The following ATXN3 variants were observed in gnomAD, a reference collection of about 807,000 sequenced individuals.
ATXN3 encodes ataxin-3.
A neutral mutation model predicts 58.2 loss-of-function variants in ATXN3; 28 were observed. The ratio of observed to expected loss-of-function variants is 0.48; its 90% CI spans 0.36 to 0.66. The LOEUF is 0.66. ATXN3 is among the 30% of genes least tolerant of loss of function. The probability of loss-of-function intolerance (pLI) is 0.00; values close to 1 mark genes in which losing one functional copy is unlikely to be tolerated. For synonymous variants in ATXN3, 113 were observed against 138.5 expected, an observed-to-expected ratio of 0.82 and a Z score of 1.29; for missense variants, 321 against 422.1, an observed-to-expected ratio of 0.76 and a Z score of 2.10.
chr14:92,064,462 C>A, intron 10 of ATXN3, 48 bp from the exon 11 acceptor site: 2 of 1,393,574 alleles, frequency 1.4e-6, no homozygotes, highest in South Asian at 1.3e-5. Context: ...AGAAAATTCT[C>A]AAAGTCATCA....
chr14:92,103,311 T>C (rs932035949), intron 1 of ATXN3, among the ~76,000 whole-genome samples: 3 of 151,148 alleles, frequency 2.0e-5, no homozygotes, highest in African/African-American at 7.3e-5. Flanking sequence ...CAAATAAGAA[T>C]GTGTGACAGA....
At chr14:92,045,539 C>A (rs1281411552) in intron 2 of ATXN3, among the ~76,000 whole-genome samples, 4 of 151,686 alleles carry the variant, frequency 2.6e-5, no homozygotes, top group Non-Finnish European at 4.4e-5. Context: ...TGGGTGGGGG[C>A]AAATCCCTGA....
At chr14:92,054,904 T>C (rs1273007336), downstream of ATXN3, among the ~76,000 whole-genome samples, 1 of 152,086 alleles carries the variant, frequency 6.6e-6, no homozygotes, top group Non-Finnish European at 1.5e-5. Flanking sequence ...TTGTTTGAGA[T>C]GGAGTCTTGT....
At chr14:92,078,721 TATG>T (rs2060888633) in intron 9 of ATXN3, among the ~76,000 whole-genome samples, 1 of 152,192 alleles carries the variant, frequency 6.6e-6, no homozygotes, top group Admixed American at 6.5e-5. Context: ...AATTAATTAT[TATG>T]ATTATTATTT....
chr14:92,059,041 T>C lies in ATXN3; in HGVS notation c.*5279A>G, dbSNP rs939459070. 2.0e-5 allele frequency: 3 copies of C among 152,144 alleles called. No individual in the cohort carries two copies. Among genetic ancestry groups the C allele is most frequent in the African/African-American group, 7.2e-5 (3 of 41,444 alleles). 9.4% of individuals were successfully genotyped at this position (152,144 alleles called of 1,614,324 possible). On this transcript the variant is annotated 3_prime_UTR_variant, in exon 11 of 11. Transcript: ENST00000644486. ...CCTAAATGCATCAGGAATATCCATT[T>C]ATATTTTACTAATGTTTCTCATTGC...
intron 9 of ATXN3, among the ~76,000 whole-genome samples, chr14:92,074,332 T>C (rs2059981729): frequency 1.3e-5 from 2 of 151,758 alleles, no homozygotes; most frequent in Non-Finnish European, 2.9e-5. Context: ...TCTCAAAAAA[T>C]AAAATAAAAT....
At chr14:92,092,678 T>C (rs1030350912) in intron 5 of ATXN3, among the ~76,000 whole-genome samples, 2 of 152,098 alleles carry the variant, frequency 1.3e-5, no homozygotes, top group Non-Finnish European at 2.9e-5. Context: ...ATTTTTCTTA[T>C]GATATAGTTA....
chr14:92,061,844 CCCA>C lies in ATXN3; in HGVS notation c.*2473_*2475del, dbSNP rs1383425482. The C allele has an allele frequency of 7.2e-5, 11 of 152,142 alleles. No homozygotes were observed. Among genetic ancestry groups the C allele is most frequent in the African/African-American group, 2.4e-4 (10 of 41,438 alleles). The allele number at this position is 152,142 out of a possible 1,614,324, so 9.4% of individuals were successfully genotyped here. A position where few individuals can be genotyped will look rare whatever the true frequency, so the allele number is the denominator to read the frequency against. ...AACAGTCAATTAAATTTAAGCCAAC[CCCA>C]CCAAGATGACAGTTCACTAGTGCTT... On this transcript the variant is annotated 3_prime_UTR_variant, in exon 11 of 11. Coordinates refer to ENST00000644486, the MANE Select transcript of ATXN3 (RefSeq NM_004993.6).
At chr14:92,048,461 G>A (rs1321116790) in intron 1 of ATXN3, among the ~76,000 whole-genome samples, 6 of 152,196 alleles carry the variant, frequency 3.9e-5, no homozygotes, top group African/African-American at 1.4e-4. Flanking sequence ...AGAATAAGAC[G>A]GCCTTCTGGC....
chr14:92,088,610 A>C (rs756765003), intron 6 of ATXN3, 120 bp downstream of exon 6: 42 of 755,518 alleles, frequency 5.6e-5, no homozygotes, highest in Non-Finnish European at 9.5e-5. Flanking sequence ...ACCACGTCAA[A>C]ACTAAAGATT....
chr14:92,090,492 A>G (rs975803941), intron 5 of ATXN3: 2 of 152,200 alleles, frequency 1.3e-5, no homozygotes, highest in Admixed American at 1.3e-4. Flanking sequence ...AACGATCAAT[A>G]TCATGACCAA....
At chr14:92,103,285 T>C (rs2067294004) in intron 1 of ATXN3, among the ~76,000 whole-genome samples, 1 of 148,600 alleles carries the variant, frequency 6.7e-6, no homozygotes, top group Admixed American at 7.1e-5. Context: ...TTTTACATGG[T>C]TGGGAAAAAC....
chr14:92,084,782 G>A (rs1205361600), intron 6 of ATXN3, among the ~76,000 whole-genome samples: 1 of 152,028 alleles, frequency 6.6e-6, no homozygotes, highest in Non-Finnish European at 1.5e-5. Flanking sequence ...GTTTCACCAT[G>A]TTGGCTGGGC....
rs2064549957 is a variant in ATXN3, at chr14:92,094,000, G to A, written c.235-169C>T. ...GCTCTGTCGCCCAGGCTGGAGTATA[G>A]TGGCACGATCTCGGCTCGCTGCAAC... On this transcript the variant is annotated intron_variant, in intron 3 of 10. Coordinates refer to ENST00000644486, the MANE Select transcript of ATXN3 (RefSeq NM_004993.6). The A allele has an allele frequency of 2.0e-5, 10 of 512,684 alleles. 1 individual carries two copies. Among genetic ancestry groups the A allele is most frequent in the South Asian group, 1.8e-4 (7 of 38,550 alleles). 31.8% of individuals were successfully genotyped at this position (512,684 alleles called of 1,614,324 possible).
intron 9 of ATXN3, among the ~76,000 whole-genome samples, chr14:92,079,251 C>G (rs1214884568): frequency 7.0e-6 from 1 of 143,402 alleles, no homozygotes; most frequent in Non-Finnish European, 1.5e-5. Context: ...GGGTCATAAA[C>G]AGGAGTATGC....
At position 92,096,796 on chromosome 14, in the gene ATXN3, A is replaced by G. The variant is rs753538537; in HGVS notation, c.67T>C (p.Leu23=). 23 of 1,613,838 alleles carry G rather than the reference A, an allele frequency of 1.4e-5. No individual in the cohort carries two copies. The highest frequency in any genetic ancestry group is 1.3e-5 in the African/African-American group (1 of 74,924). ...LCAQHCLNNL[L]QGEYFSPVEL... Reference sequence around the variant, plus strand: ...ACAGGGCTAAAATATTCTCCTTGCAATAAGTTATTCAGGCAATGTTGAGCA... The same window carrying G: ...ACAGGGCTAAAATATTCTCCTTGCAGTAAGTTATTCAGGCAATGTTGAGCA... Residue 23 remains leucine, a synonymous_variant, in exon 2 of 11, where the codon TTG becomes CTG. Transcript: ENST00000644486.
chr14:92,106,504 C>T (rs755214541), intron 1 of ATXN3, 25 bp downstream of exon 1: 6 of 1,613,358 alleles, frequency 3.7e-6, no homozygotes, highest in South Asian at 1.1e-5. Flanking sequence ...CGGCAGACAG[C>T]TCCCCACCGA....
Position 92,071,068 on chromosome 14 carries a change from A to G in ATXN3, c.873-15T>C. ...TTTGCTGCTGTCTGAAACATTCAAA[A>G]GTGAAGTATATTTAAAAAACAAAAC... On this transcript the variant is annotated splice_polypyrimidine_tract_variant and intron_variant, in intron 9 of 10. Transcript: ENST00000644486. The G allele has an allele frequency of 8.7e-7, 1 of 1,149,982 alleles. No homozygotes were observed. The highest frequency in any genetic ancestry group is 1.1e-6 in the Non-Finnish European group (1 of 920,320). The allele number at this position is 1,149,982 out of a possible 1,614,324, so 71.2% of individuals were successfully genotyped here. A position where few individuals can be genotyped will look rare whatever the true frequency, so the allele number is the denominator to read the frequency against.
chr14:92,074,012 C>CAA lies in ATXN3; in HGVS notation c.873-2961_873-2960dup, dbSNP rs554711538. 4.1e-3 allele frequency among the ~76,000 whole-genome samples: 310 copies of CAA among 74,714 alleles called. 2 individuals carry two copies. Among genetic ancestry groups the CAA allele is most frequent in the African/African-American group, 0.013 (264 of 20,790 alleles). 49.0% of individuals were successfully genotyped at this position (74,714 alleles called of 152,430 possible). ...TGGGCAACAGAGTGAGACTCCACCT[C>CAA]AAAAAAAAAAAAAAAAAAAAAAGGG... On this transcript the variant is annotated intron_variant, in intron 9 of 10. Coordinates refer to ENST00000644486, the MANE Select transcript of ATXN3 (RefSeq NM_004993.6).
Sources: allele counts gnomAD v4.1 joint callset (sites outside exome capture counted in the v4.1 genomes callset), GRCh38; gene constraint gnomAD v4.1.1; transcripts MANE v1.5; gene names NCBI Gene and HGNC (gene_info 2026-07-23, HGNC 2026-07-21).